The following DOK6 variants were observed in gnomAD, a reference collection of about 807,000 sequenced individuals.
The protein encoded by DOK6 is downstream of tyrosine kinase 6.
A neutral mutation model predicts 44.0 loss-of-function variants in DOK6; 22 were observed. That is an observed-to-expected ratio of 0.50 (90% CI 0.36 to 0.71). DOK6 has a LOEUF of 0.71. Among genes scored for constraint, DOK6 ranks in the 30% least tolerant of loss-of-function variants. The pLI, the probability that DOK6 is intolerant of heterozygous loss-of-function variation, is 0.00. For missense variants in DOK6, 340 were observed against 416.4 expected, an observed-to-expected ratio of 0.82 and a Z score of 1.60; for synonymous variants, 166 against 145.5, an observed-to-expected ratio of 1.14 and a Z score of -1.01.
chr18:69,739,569 G>T (rs1447083556), intron 6 of DOK6, among the ~76,000 whole-genome samples: 1 of 152,198 alleles, frequency 6.6e-6, no homozygotes, highest in East Asian at 1.9e-4. Context: ...ACAGAAGGAG[G>T]TTATGCTGGT....
intron 1 of DOK6, among the ~76,000 whole-genome samples, chr18:69,512,591 G>A (rs1271318255): frequency 3.3e-5 from 5 of 151,942 alleles, no homozygotes; most frequent in African/African-American, 7.3e-5. Context: ...TGATTCGTCC[G>A]CCTCGGCCTC....
At chr18:69,560,948 T>C (rs4338890) in intron 1 of DOK6, among the ~76,000 whole-genome samples, 32,155 of 152,132 alleles carry the variant, frequency 0.21, 3,632 homozygotes, top group Middle Eastern at 0.35. Context: ...AATTATATGG[T>C]GCTCTAATTT....
At chr18:69,506,400 T>A (rs142661356) in intron 1 of DOK6, among the ~76,000 whole-genome samples, 32 of 152,270 alleles carry the variant, frequency 2.1e-4, no homozygotes, top group African/African-American at 6.7e-4. Flanking sequence ...TGTCTTTTTG[T>A]CATGAACCCA....
chr18:69,610,109 T>C (rs933382970), intron 3 of DOK6, among the ~76,000 whole-genome samples: 1 of 152,222 alleles, frequency 6.6e-6, no homozygotes, highest in African/African-American at 2.4e-5. Context: ...TCATCAATAA[T>C]GTATTGCCTT....
intron 5 of DOK6, among the ~76,000 whole-genome samples, chr18:69,712,387 G>A (rs568813621): frequency 1.1e-4 from 16 of 140,974 alleles, no homozygotes; most frequent in African/African-American, 2.6e-5. Context: ...ACACTTTTAT[G>A]AAAGAGGCAA....
At chr18:69,770,801 A>G (rs1282636565) in intron 7 of DOK6, among the ~76,000 whole-genome samples, 1 of 152,028 alleles carries the variant, frequency 6.6e-6, no homozygotes, top group Non-Finnish European at 1.5e-5. Flanking sequence ...TGGAGATTTC[A>G]GAATCACTTT....
chr18:69,425,183 A>G (rs1324905832), intron 1 of DOK6, among the ~76,000 whole-genome samples: 3 of 152,104 alleles, frequency 2.0e-5, no homozygotes, highest in Non-Finnish European at 4.4e-5. Flanking sequence ...GTCAGAGTAG[A>G]GCCTTATGTG....
chr18:69,404,433 C>T lies in DOK6; in HGVS notation c.66+3123C>T, dbSNP rs185984327. On this transcript the variant is annotated intron_variant, in intron 1 of 7. Transcript: ENST00000382713. ...TTTTGGTTTGCAGCCAAACTAAGAA[C>T]TCAATCACTGAAAGCATTAATAATC... 5.8e-3 allele frequency among the ~76,000 whole-genome samples: 877 copies of T among 152,316 alleles called. 4 individuals are homozygous for T. The highest frequency in any genetic ancestry group is 1.0e-2 in the Non-Finnish European group (679 of 68,020).
At chr18:69,585,147 T>TA (rs1034428571) in intron 2 of DOK6, among the ~76,000 whole-genome samples, 10 of 152,170 alleles carry the variant, frequency 6.6e-5, no homozygotes, top group Non-Finnish European at 1.2e-4. Context: ...TTTTGTTCAT[T>TA]AAAAATATTT....
chr18:69,611,306 C>T (rs1984133581), intron 3 of DOK6, among the ~76,000 whole-genome samples: 1 of 152,108 alleles, frequency 6.6e-6, no homozygotes, highest in Non-Finnish European at 1.5e-5. Flanking sequence ...AGCCACACCA[C>T]CAAGTGCTCG....
intron 1 of DOK6, among the ~76,000 whole-genome samples, chr18:69,462,650 T>C (rs147851210): frequency 7.2e-5 from 11 of 152,356 alleles, no homozygotes; most frequent in African/African-American, 2.6e-4. Flanking sequence ...TGAATTGCTT[T>C]GGCTTTAAAA....
chr18:69,721,331 G>A (rs1300027831), intron 5 of DOK6: 1 of 152,188 alleles, frequency 6.6e-6, no homozygotes, highest in East Asian at 1.9e-4. Flanking sequence ...TGAAGAGCGA[G>A]AATTTTATTC....
intron 1 of DOK6, among the ~76,000 whole-genome samples, chr18:69,492,224 C>G (rs1980753652): frequency 1.3e-5 from 2 of 151,980 alleles, no homozygotes; most frequent in Admixed American, 1.3e-4. Flanking sequence ...TATATGAAAA[C>G]AAAGTGTCAC....
chr18:69,566,545 C>T (rs191816544), intron 2 of DOK6, among the ~76,000 whole-genome samples: 10 of 152,306 alleles, frequency 6.6e-5, no homozygotes, highest in Admixed American at 2.6e-4. Context: ...CACTCTAGTA[C>T]TCTAACCCCA....
At chr18:69,445,597 C>T (rs1242641659) in intron 1 of DOK6, among the ~76,000 whole-genome samples, 2 of 152,030 alleles carry the variant, frequency 1.3e-5, no homozygotes, top group African/African-American at 4.8e-5. Context: ...TGGCATATTA[C>T]TTTAATTGAC....
intron 1 of DOK6, among the ~76,000 whole-genome samples, chr18:69,500,911 A>C (rs11877108): frequency 0.012 from 1,890 of 152,238 alleles, 55 homozygotes; most frequent in African/African-American, 0.043. Context: ...TTATAAACAC[A>C]TGTATTTTGG....
At chr18:69,722,240 T>C (rs190249554) in intron 5 of DOK6, among the ~76,000 whole-genome samples, 2 of 152,342 alleles carry the variant, frequency 1.3e-5, no homozygotes, top group African/African-American at 4.8e-5. Flanking sequence ...CTTTGAACTT[T>C]TAGTTCATAT....
At chr18:69,465,718 T>C (rs1177349139) in intron 1 of DOK6, among the ~76,000 whole-genome samples, 4 of 152,200 alleles carry the variant, frequency 2.6e-5, no homozygotes, top group African/African-American at 9.6e-5. Context: ...GTTGGACATT[T>C]GGGTTGGTTC....
chr18:69,641,888 T>C (rs1238497387), intron 3 of DOK6, among the ~76,000 whole-genome samples: 1 of 152,236 alleles, frequency 6.6e-6, no homozygotes, highest in Non-Finnish European at 1.5e-5. Context: ...AACTGCATGT[T>C]CTTTCCCCCT....
Sources: gnomAD v4.1 joint callset for allele counts (sites outside exome capture counted in the v4.1 genomes callset) on GRCh38, gnomAD v4.1.1 for gene constraint, MANE v1.5 for transcripts, NCBI Gene and HGNC (gene_info 2026-07-23, HGNC 2026-07-21) for gene names.